The following TAF1 variants were observed in gnomAD, a reference collection of about 807,000 sequenced individuals.
The protein encoded by TAF1 is TATA-box binding protein associated factor 1.
A neutral mutation model predicts 138.5 loss-of-function variants in TAF1; 2 were observed. That is an observed-to-expected ratio of 0.01 (90% CI 0.01 to 0.05). The LOEUF (loss-of-function observed/expected upper bound fraction) is 0.05, where lower values mean the gene tolerates loss of function less well. Ranked by LOEUF, TAF1 falls within the 10% of genes least tolerant of loss-of-function variation. The probability of loss-of-function intolerance (pLI) is 1.00; values close to 1 mark genes in which losing one functional copy is unlikely to be tolerated. For missense variants in TAF1, 709 were observed against 1,478.0 expected, an observed-to-expected ratio of 0.48 and a Z score of 8.53; for synonymous variants, 437 against 503.2, an observed-to-expected ratio of 0.87 and a Z score of 1.76.
intron 13 of TAF1, among the ~76,000 whole-genome samples, chrX:71,482,124 C>G (rs2039083126): frequency 9.0e-6 from 1 of 111,577 alleles, no homozygotes; most frequent in Non-Finnish European, 1.9e-5. Context: ...CTAGTAATCA[C>G]ATTCATGTTT....
chrX:71,424,387 AC>A, intron 32 of TAF1, 149 bp downstream of exon 32: 1 of 327,348 alleles, frequency 3.1e-6, no homozygotes. Context: ...AGTTCACTGA[AC>A]CAGGCACACG....
chrX:71,373,824 A>T (rs892181240), intron 3 of TAF1, among the ~76,000 whole-genome samples: 10 of 110,909 alleles, frequency 9.0e-5, no homozygotes, highest in African/African-American at 3.3e-4. Context: ...AGTGATGCCA[A>T]TGGTTAAGGG....
intron 32 of TAF1, among the ~76,000 whole-genome samples, chrX:71,435,688 A>G (rs1168555399): frequency 8.9e-6 from 1 of 111,779 alleles, no homozygotes; most frequent in East Asian, 2.8e-4. Flanking sequence ...GACTAATCCA[A>G]TAGCATTTAT....
At chrX:71,518,751 A>C (rs1204370323) in intron 13 of TAF1, among the ~76,000 whole-genome samples, 1 of 87,189 alleles carries the variant, frequency 1.1e-5, no homozygotes, top group Non-Finnish European at 2.1e-5. Flanking sequence ...GCTGGAGTGC[A>C]GTGGCGCAAT....
chrX:71,459,027 C>T, intron 35 of TAF1: 1 of 378,951 alleles, frequency 2.6e-6, no homozygotes. Context: ...TCTAAACAGC[C>T]CCCACTAGCA....
intron 34 of TAF1, among the ~76,000 whole-genome samples, chrX:71,457,755 C>G: frequency 8.9e-6 from 1 of 112,347 alleles, no homozygotes; most frequent in Non-Finnish European, 1.9e-5. Context: ...GGACATTTTA[C>G]TCCAAGGCCT....
At chrX:71,488,603 G>A (rs973704625) in intron 13 of TAF1, among the ~76,000 whole-genome samples, 1 of 110,909 alleles carries the variant, frequency 9.0e-6, no homozygotes, top group Non-Finnish European at 1.9e-5. Flanking sequence ...TTCTCTCTGT[G>A]CAGCTATCTT....
At chrX:71,430,652 A>T (rs1392886922) in intron 32 of TAF1, among the ~76,000 whole-genome samples, 1 of 112,085 alleles carries the variant, frequency 8.9e-6, no homozygotes, top group Non-Finnish European at 1.9e-5. Context: ...TCTAGGAGTC[A>T]GTCACTATTT....
Position 71,377,688 on chromosome X carries a change from A to G in TAF1, c.800A>G (p.His267Arg). 8.3e-7 allele frequency: 1 copy of G among 1,211,774 alleles called. No individual in the cohort carries two copies. Among genetic ancestry groups the G allele is most frequent in the Non-Finnish European group, 1.1e-6 (1 of 895,572 alleles). Residue 267 changes from histidine to arginine, a missense_variant, in exon 6 of 38, where the codon CAC becomes CGC. This residue lies in a region of TAF1 where 26 missense variants were observed against 20.9 expected (regional missense o/e 1.25). Coordinates refer to ENST00000423759, the MANE Select transcript of TAF1 (RefSeq NM_004606.5). The part of the protein sequence containing the change: ...RSARRKRKKK[H>R]RELIQEEQIQ... The stretch of plus-strand genomic sequence containing the variant: ...GCTCGGAGAAAGAGGAAGAAGAAGC[A>G]CCGTGAGCTGATACAGGAAGAGCAG...
intron 28 of TAF1, chrX:71,420,590 T>C: frequency 8.3e-7 from 1 of 1,209,750 alleles, no homozygotes; most frequent in Non-Finnish European, 1.1e-6. Flanking sequence ...CTGTAGCTCC[T>C]TTAGCTTCTC....
chrX:71,419,059 G>T (rs1286124122), intron 28 of TAF1, among the ~76,000 whole-genome samples: 1 of 111,413 alleles, frequency 9.0e-6, no homozygotes, highest in Non-Finnish European at 1.9e-5. Context: ...GAGCCACCAC[G>T]CCCAGCCCAG....
intron 34 of TAF1, among the ~76,000 whole-genome samples, chrX:71,456,701 G>GTTTTTT (rs2038316350): frequency 6.8e-5 from 3 of 44,334 alleles, no homozygotes; most frequent in Non-Finnish European, 3.8e-5. Flanking sequence ...TTGAGACCGA[G>GTTTTTT]TTTTGCTCTT....
At chrX:71,498,645 G>A (rs898515758) in intron 13 of TAF1, among the ~76,000 whole-genome samples, 8 of 110,926 alleles carry the variant, frequency 7.2e-5, no homozygotes, top group Admixed American at 3.9e-4. Flanking sequence ...TTGTCCTTCC[G>A]ATGCCCAGAC....
intron 22 of TAF1, among the ~76,000 whole-genome samples, chrX:71,395,385 A>G (rs889885597): frequency 1.1e-4 from 12 of 111,077 alleles, no homozygotes; most frequent in African/African-American, 3.9e-4. Context: ...GGCACCTATA[A>G]TTCCAGCTAC....
At chrX:71,406,544 A>C in intron 25 of TAF1, 94 bp from the exon 26 acceptor site, 5 of 824,735 alleles carry the variant, frequency 6.1e-6, no homozygotes, top group Non-Finnish European at 8.5e-6. Context: ...GCTCGTGCTT[A>C]GGTACCTTGG....
chrX:71,420,450 G>C, intron 28 of TAF1: 2 of 1,210,213 alleles, frequency 1.7e-6, no homozygotes, highest in South Asian at 1.8e-5. Context: ...CTCTTCTGCT[G>C]TTGCACCATA....
intron 28 of TAF1, among the ~76,000 whole-genome samples, chrX:71,410,253 T>C (rs762790714): frequency 3.1e-4 from 34 of 110,402 alleles, no homozygotes; most frequent in South Asian, 1.9e-3. Flanking sequence ...AACCCTCATT[T>C]TCCAGATGAA....
chrX:71,397,590 C>G (rs768986174), intron 23 of TAF1, 124 bp downstream of exon 23: 80 of 810,061 alleles, frequency 9.9e-5, no homozygotes, highest in Non-Finnish European at 1.4e-4. Flanking sequence ...TCAAGTGATT[C>G]TCATGCCTCA....
At position 71,387,432 on chromosome X, in the gene TAF1, G is replaced by A; in HGVS notation, c.2398G>A (p.Ala800Thr). The A allele has an allele frequency of 8.3e-7, 1 of 1,211,823 alleles. No homozygotes were observed. The highest frequency in any genetic ancestry group is 1.1e-6 in the Non-Finnish European group (1 of 895,579). Residue 800 changes from alanine to threonine, a missense_variant, in exon 15 of 38, where the codon GCC (alanine) becomes ACC (threonine). Around this residue, in one of 14 missense-constraint regions of TAF1, gnomAD observed 201 missense variants for 421.3 expected, o/e 0.48. Transcript: ENST00000423759. ...AGTTCCTGGGCCTAACTCCAAAAGG[G>A]CCAATACGCATATTCGAGACTTTCT... ...FEVPGPNSKR[A>T]NTHIRDFLQV...
Sources: allele counts gnomAD v4.1 joint callset (sites outside exome capture counted in the v4.1 genomes callset), GRCh38; gene constraint gnomAD v4.1.1; regional missense constraint gnomAD v4.1.1; transcripts MANE v1.5; gene names NCBI Gene and HGNC (gene_info 2026-07-23, HGNC 2026-07-21).